The following MYO18B variants were observed in gnomAD, a reference collection of about 807,000 sequenced individuals.
MYO18B encodes the protein myosin XVIIIB, also known as unconventional myosin-XVIIIb.
A neutral mutation model predicts 273.0 loss-of-function variants in MYO18B; 204 were observed. The ratio of observed to expected loss-of-function variants is 0.75; its 90% CI spans 0.67 to 0.84. MYO18B has a LOEUF of 0.84. Among genes scored for constraint, MYO18B ranks in the 40% least tolerant of loss-of-function variants. MYO18B has a pLI of 0.00. For missense variants in MYO18B, 3,212 were observed against 3,287.6 expected, an observed-to-expected ratio of 0.98 and a Z score of 0.56; for synonymous variants, 1,330 against 1,305.7, an observed-to-expected ratio of 1.02 and a Z score of -0.40.
intron 38 of MYO18B, 116 bp from the exon 39 acceptor site, chr22:25,955,063 T>C: frequency 2.7e-6 from 3 of 1,114,376 alleles, no homozygotes; most frequent in Non-Finnish European, 3.8e-6. Context: ...TCAGTATTCT[T>C]ATCCTGATTA....
At chr22:26,061,821 G>A in the MYO18B span, among the ~76,000 whole-genome samples, 1 of 152,040 alleles carries the variant, frequency 6.6e-6, no homozygotes, top group East Asian at 1.9e-4. Flanking sequence ...TGGCTTTGAT[G>A]CTGTCAACAT....
At chr22:25,855,285 C>CTTTTTT (rs150338635) in intron 21 of MYO18B, among the ~76,000 whole-genome samples, 6 of 132,322 alleles carry the variant, frequency 4.5e-5, no homozygotes, top group South Asian at 2.4e-4. Flanking sequence ...TTATCTCATT[C>CTTTTTT]TTTTTTTTTT....
At position 25,921,361 on chromosome 22, in the gene MYO18B, T is replaced by C. The variant is rs369223459; in HGVS notation, c.5469T>C (p.Asp1823=). Residue 1823 remains aspartate, a synonymous_variant, in exon 34 of 44, where the codon GAT becomes GAC. Transcript: ENST00000335473. ...DVQLLLGTME[D]GKTSVSKEEL... Reference sequence around the variant, plus strand: ...AGCTCCTTCTGGGCACCATGGAGGATGGCAAGACATCAGTCAGCAAGGAGG... The same window carrying C: ...AGCTCCTTCTGGGCACCATGGAGGACGGCAAGACATCAGTCAGCAAGGAGG... 2.5e-4 allele frequency: 406 copies of C among 1,596,584 alleles called. 2 individuals carry two copies. The highest frequency in any genetic ancestry group is 9.5e-4 in the South Asian group (83 of 87,402).
At chr22:25,937,235 C>G (rs1307295030) in intron 34 of MYO18B, among the ~76,000 whole-genome samples, 1 of 151,948 alleles carries the variant, frequency 6.6e-6, no homozygotes, top group African/African-American at 2.4e-5. Flanking sequence ...TGGGTGTGCA[C>G]CACCATGCCC....
At chr22:25,872,700 A>T (rs2091080410) in intron 22 of MYO18B, among the ~76,000 whole-genome samples, 1 of 152,162 alleles carries the variant, frequency 6.6e-6, no homozygotes, top group African/African-American at 2.4e-5. Context: ...CCTCCATAAA[A>T]TGTGAGAATC....
At chr22:26,026,285 A>G (rs549056521) in intron 42 of MYO18B, among the ~76,000 whole-genome samples, 160 bp from the exon 43 acceptor site, 3 of 152,334 alleles carry the variant, frequency 2.0e-5, no homozygotes, top group African/African-American at 7.2e-5. Flanking sequence ...CATGGCTTGA[A>G]TTTGCACATT....
chr22:25,976,201 G>T (rs746409729), intron 39 of MYO18B, among the ~76,000 whole-genome samples: 2 of 152,126 alleles, frequency 1.3e-5, no homozygotes, highest in Non-Finnish European at 2.9e-5. Context: ...CACTCACAAA[G>T]AATTATCTGC....
chr22:25,774,659 C>T (rs948165194), intron 7 of MYO18B, among the ~76,000 whole-genome samples: 5 of 152,212 alleles, frequency 3.3e-5, no homozygotes, highest in African/African-American at 1.2e-4. Context: ...TGTCCTTAGG[C>T]CGGATCAACC....
rs907733190 is a variant in MYO18B at position 25,989,428 on chromosome 22, G to A, written c.6157-2935G>A. ...GCCTCTGTGTCTTACAAAGATACAG[G>A]TGCCACATCTGGGAGAAAGTGGCTA... On this transcript the variant is annotated intron_variant, in intron 39 of 43. Transcript: ENST00000335473. 4.6e-5 allele frequency among the ~76,000 whole-genome samples: 7 copies of A among 152,030 alleles called. 1 individual carries two copies. Among genetic ancestry groups the A allele is most frequent in the African/African-American group, 1.4e-4 (6 of 41,396 alleles).
intron 42 of MYO18B, among the ~76,000 whole-genome samples, chr22:26,007,751 C>A (rs920288913): frequency 2.6e-5 from 4 of 152,088 alleles, no homozygotes; most frequent in Non-Finnish European, 5.9e-5. Flanking sequence ...AATATCTTAT[C>A]CAAATTTATG....
At chr22:26,047,149 C>T in the MYO18B span, among the ~76,000 whole-genome samples, 2 of 139,510 alleles carry the variant, frequency 1.4e-5, no homozygotes, top group Non-Finnish European at 3.0e-5. Context: ...TTTTTTAAGA[C>T]AGAGTCTCGC....
chr22:26,033,465 G>A (rs542288474), downstream of MYO18B, among the ~76,000 whole-genome samples: 15 of 152,302 alleles, frequency 9.8e-5, no homozygotes, highest in Middle Eastern at 0.01. Flanking sequence ...TATGAAGCAC[G>A]TTTTTATAAA....
intron 31 of MYO18B, among the ~76,000 whole-genome samples, chr22:25,906,914 C>T (rs1330052363): frequency 1.3e-5 from 2 of 152,162 alleles, no homozygotes; most frequent in East Asian, 3.9e-4. Context: ...CAGGTCCTTC[C>T]CTTGACCTGT....
At chr22:25,945,250 G>A (rs2092690935) in intron 34 of MYO18B, among the ~76,000 whole-genome samples, 1 of 152,034 alleles carries the variant, frequency 6.6e-6, no homozygotes, top group South Asian at 2.1e-4. Flanking sequence ...GGTTCCCATG[G>A]GCCGTCAAAC....
In MYO18B at chr22:25,789,455, G is replaced by A. The variant is rs183826173; in HGVS notation, c.2376+3964G>A. Among the ~76,000 whole-genome samples the A allele has an allele frequency of 3.8e-3, 571 of 151,832 alleles. 6 individuals carry two copies. Among genetic ancestry groups the A allele is most frequent in the African/African-American group, 0.013 (536 of 41,400 alleles). On this transcript the variant is annotated intron_variant, in intron 11 of 43. Coordinates refer to ENST00000335473, the MANE Select transcript of MYO18B (RefSeq NM_032608.7). ...GTTCGAGACCAGCCTGGCCAACATG[G>A]TGAAACCCCATCTCTACTAAAAATA...
At chr22:25,917,545 GGTGTGTGTGT>G (rs3070569) in intron 33 of MYO18B, among the ~76,000 whole-genome samples, 14 of 142,152 alleles carry the variant, frequency 9.8e-5, no homozygotes, top group South Asian at 4.7e-4. Flanking sequence ...GCTTTGTAGG[GGTGTGTGTGT>G]GTGTGTGTGT....
chr22:25,823,714 C>A, intron 13 of MYO18B, 36 bp downstream of exon 13: 2 of 1,606,922 alleles, frequency 1.2e-6, no homozygotes, highest in South Asian at 2.2e-5. Flanking sequence ...GAGCTGGGCC[C>A]CCCTCTGGGC....
intron 35 of MYO18B, among the ~76,000 whole-genome samples, chr22:25,947,487 T>C (rs781557170): frequency 9.0e-6 from 1 of 110,674 alleles, no homozygotes; most frequent in Non-Finnish European, 1.9e-5. Flanking sequence ...TAATGCCTAA[T>C]ACACACACAC....
chr22:25,843,558 A>G (rs1044962828), intron 17 of MYO18B, among the ~76,000 whole-genome samples, 177 bp from the exon 18 acceptor site: 16 of 152,212 alleles, frequency 1.1e-4, no homozygotes, highest in African/African-American at 3.9e-4. Context: ...AATAAAATCC[A>G]CTTTGGAAAT....
Sources: allele counts gnomAD v4.1 joint callset (sites outside exome capture counted in the v4.1 genomes callset), GRCh38; gene constraint gnomAD v4.1.1; transcripts MANE v1.5; gene names NCBI Gene and HGNC (gene_info 2026-07-23, HGNC 2026-07-21).